Variants in NSF observed in about 807,000 individuals in gnomAD.
NSF encodes the protein vesicle-fusing ATPase.
NSF carries 14 observed loss-of-function variants against 50.3 expected under a neutral mutation model. That is an observed-to-expected ratio of 0.28 (90% CI 0.18 to 0.44). The LOEUF is 0.44. Ranked by LOEUF, NSF falls within the 20% of genes least tolerant of loss-of-function variation. The pLI, the probability that NSF is intolerant of heterozygous loss-of-function variation, is 1.00. For synonymous variants in NSF, 109 were observed against 175.7 expected (o/e 0.62, Z 3.00); for missense variants, 218 against 504.3 (o/e 0.43, Z 5.44).
intron 15 of NSF, chr17:46,722,268 G>C (rs1045452886): frequency 3.2e-5 from 31 of 956,500 alleles, no homozygotes; most frequent in African/African-American, 1.3e-4. Flanking sequence ...ATTTTGGGGG[G>C]AGTCTGTAAG....
intron 17 of NSF, among the ~76,000 whole-genome samples, chr17:46,749,392 A>G (rs1423033101): frequency 1.3e-5 from 2 of 152,234 alleles, no homozygotes; most frequent in African/African-American, 2.4e-5. Context: ...TTGTAAAGCC[A>G]GCGCCACATA....
At chr17:46,724,511 T>C (rs2058867229) in intron 15 of NSF, among the ~76,000 whole-genome samples, 1 of 152,132 alleles carries the variant, frequency 6.6e-6, no homozygotes, top group Admixed American at 6.6e-5. Flanking sequence ...AGGGGTGTAT[T>C]TCCCCTCATA....
intron 1 of NSF, among the ~76,000 whole-genome samples, chr17:46,595,635 G>A (rs1272254890): frequency 1.5e-5 from 2 of 129,068 alleles, no homozygotes; most frequent in Non-Finnish European, 3.0e-5. Context: ...AGGATTACAG[G>A]CATGTGCCAC....
In NSF at chr17:46,609,656, A is replaced by G. The variant is rs1241356568; in HGVS notation, c.13-14588A>G. On this transcript the variant is annotated intron_variant, in intron 1 of 20. Transcript: ENST00000398238. ...TTTATTAAATGAGAAACCTCTCAAT[A>G]TTAAGGACACATCATAAATTATTAG... Among the ~76,000 whole-genome samples, 3 of 148,732 alleles carry G rather than the reference A, an allele frequency of 2.0e-5. 1 individual carries two copies. Among genetic ancestry groups the G allele is most frequent in the African/African-American group, 5.0e-5 (2 of 39,838 alleles).
chr17:46,750,482 G>C (rs2059171502), intron 18 of NSF, among the ~76,000 whole-genome samples: 1 of 152,178 alleles, frequency 6.6e-6, no homozygotes, highest in Non-Finnish European at 1.5e-5. Flanking sequence ...CATTTCCTTT[G>C]AATGTCATGT....
At chr17:46,703,680 C>CAAAAAAAAAAA (rs149212597) in intron 12 of NSF, among the ~76,000 whole-genome samples, 1 of 37,716 alleles carries the variant, frequency 2.7e-5, no homozygotes, top group Non-Finnish European at 5.0e-5. Flanking sequence ...GACTCCGTCT[C>CAAAAAAAAAAA]AAAAAAAAAA....
chr17:46,707,739 T>TC lies in NSF; in HGVS notation c.1470+2887dup, dbSNP rs2058670360. Among the ~76,000 whole-genome samples, 4 of 152,152 alleles carry TC rather than the reference T, an allele frequency of 2.6e-5. No individual in the cohort carries two copies. In the East Asian group the frequency reaches 7.7e-4, roughly 29 times the overall value. On this transcript the variant is annotated intron_variant, in intron 13 of 20. Transcript: ENST00000398238. ...CTTCCTTTTTAAGGCTGGATAATACTCCATTATATGGGCCAGGCGTGGTGG... is the reference window on the plus strand; with the variant it reads ...CTTCCTTTTTAAGGCTGGATAATACTCCCATTATATGGGCCAGGCGTGGTGG...
At chr17:46,729,624 A>G (rs1268147535) in intron 17 of NSF, among the ~76,000 whole-genome samples, 2 of 152,182 alleles carry the variant, frequency 1.3e-5, no homozygotes, top group African/African-American at 4.8e-5. Context: ...TTGATTCTGC[A>G]TGCTGTAACC....
At chr17:46,741,232 T>TG (rs913019943) in intron 17 of NSF, among the ~76,000 whole-genome samples, 18 of 152,216 alleles carry the variant, frequency 1.2e-4, no homozygotes, top group African/African-American at 4.3e-4. Context: ...TGAGGGGGTT[T>TG]GGGGGAATGA....
At chr17:46,721,647 A>G in intron 15 of NSF, 2 of 1,597,940 alleles carry the variant, frequency 1.3e-6, no homozygotes, top group Non-Finnish European at 1.7e-6. Flanking sequence ...TAGACACCAG[A>G]AAAAGTTTCA....
At chr17:46,755,547 CCT>C in intron 20 of NSF, 178 bp downstream of exon 20, 1 of 692,916 alleles carries the variant, frequency 1.4e-6, no homozygotes, top group Non-Finnish European at 2.4e-6. Flanking sequence ...GTTTGCTCTC[CCT>C]GTCCTGCTTC....
chr17:46,679,809 G>A (rs74643711), intron 9 of NSF, among the ~76,000 whole-genome samples: 4 of 152,020 alleles, frequency 2.6e-5, no homozygotes, highest in Non-Finnish European at 5.9e-5. Context: ...GAAAGAAACA[G>A]TGGAAATTCA....
chr17:46,726,578 C>G lies in NSF; in HGVS notation c.1791C>G (p.Leu597=). 1.9e-6 allele frequency: 3 copies of G among 1,613,950 alleles called. No individual in the cohort carries two copies. Among genetic ancestry groups the G allele is most frequent in the Non-Finnish European group, 2.5e-6 (3 of 1,179,900 alleles). ...TTGATGATGCGTACAAATCCCAGCT[C>G]AGTTGTGTGGTTGTGGATGACATTG... is the stretch of plus-strand genomic sequence containing the variant. ...KIFDDAYKSQ[L]SCVVVDDIER... is the part of the protein sequence containing the mutation. Residue 597 remains leucine (L), a synonymous_variant, in exon 16 of 21, where the codon CTC becomes CTG. Coordinates refer to ENST00000398238, the MANE Select transcript of NSF (RefSeq NM_006178.4).
chr17:46,744,516 A>G lies in NSF; in HGVS notation c.1909-5257A>G, dbSNP rs137991729. Among the ~76,000 whole-genome samples, 218 of 152,318 alleles carry G rather than the reference A, an allele frequency of 1.4e-3. 2 individuals are homozygous for G. The highest frequency in any genetic ancestry group is 5.2e-3 in the African/African-American group (215 of 41,572). ...TTGCTCAGCATTGAATGATATGGAA[A>G]GAATGGCCTTTCTTTCCTGCATAAC... On this transcript the variant is annotated intron_variant, in intron 17 of 20. Coordinates refer to ENST00000398238, the MANE Select transcript of NSF (RefSeq NM_006178.4).
intron 1 of NSF, among the ~76,000 whole-genome samples, chr17:46,601,703 A>G (rs1292609148): frequency 1.3e-5 from 2 of 148,156 alleles, no homozygotes; most frequent in East Asian, 2.0e-4. Flanking sequence ...TGTCGACTCT[A>G]TTCCGTTTCA....
At chr17:46,727,619 G>A (rs546298637) in intron 16 of NSF, among the ~76,000 whole-genome samples, 2 of 152,208 alleles carry the variant, frequency 1.3e-5, no homozygotes, top group East Asian at 3.9e-4. Context: ...ATATCTGTGA[G>A]GTCTCCATAA....
At chr17:46,621,157 T>G (rs1194649551) in intron 1 of NSF, among the ~76,000 whole-genome samples, 2 of 146,112 alleles carry the variant, frequency 1.4e-5, no homozygotes, top group Admixed American at 6.7e-5. Context: ...TATAGGAAGA[T>G]TCTATATTCA....
chr17:46,743,454 G>C (rs1443498421), intron 17 of NSF, among the ~76,000 whole-genome samples: 2 of 152,192 alleles, frequency 1.3e-5, no homozygotes, highest in Non-Finnish European at 2.9e-5. Flanking sequence ...TAAGTAGGTA[G>C]AATTTTCTCA....
At chr17:46,743,607 C>T (rs966253893) in intron 17 of NSF, among the ~76,000 whole-genome samples, 30 of 152,238 alleles carry the variant, frequency 2.0e-4, no homozygotes, top group African/African-American at 7.2e-4. Context: ...CCATTGCTTT[C>T]TGCCAGCCCT....
Sources: allele counts gnomAD v4.1 joint callset (sites outside exome capture counted in the v4.1 genomes callset), GRCh38; gene constraint gnomAD v4.1.1; transcripts MANE v1.5; gene names NCBI Gene and HGNC (gene_info 2026-07-23, HGNC 2026-07-21).